The following MSH3 variants were observed in gnomAD, a reference collection of about 807,000 sequenced individuals.
The protein encoded by MSH3 is mutS homolog 3, also known as DNA mismatch repair protein Msh3.
MSH3 carries 106 observed loss-of-function variants against 123.3 expected under a neutral mutation model. The ratio of observed to expected loss-of-function variants is 0.86; its 90% CI spans 0.73 to 1.01. The LOEUF (loss-of-function observed/expected upper bound fraction) is 1.01, where lower values mean the gene tolerates loss of function less well. Among genes scored for constraint, MSH3 ranks in the 50% least tolerant of loss-of-function variants. MSH3 has a pLI of 0.00. For synonymous variants in MSH3, 515 were observed against 481.4 expected, an observed-to-expected ratio of 1.07 and a Z score of -0.91; for missense variants, 1,459 against 1,347.6, an observed-to-expected ratio of 1.08 and a Z score of -1.29.
At chr5:80,861,636 A>T (rs527926651) in intron 21 of MSH3, among the ~76,000 whole-genome samples, 1 of 152,198 alleles carries the variant, frequency 6.6e-6, no homozygotes, top group African/African-American at 2.4e-5. Context: ...ACCAAGTGGA[A>T]CTCCTGGGAG....
intron 19 of MSH3, among the ~76,000 whole-genome samples, chr5:80,793,965 C>A (rs1193109226): frequency 6.6e-6 from 1 of 151,996 alleles, no homozygotes; most frequent in African/African-American, 2.4e-5. Context: ...TTCATTTTGG[C>A]ATAGATGACT....
chr5:80,680,311 T>TTTC (rs1749947767), intron 8 of MSH3, among the ~76,000 whole-genome samples: 1 of 152,044 alleles, frequency 6.6e-6, no homozygotes, highest in Admixed American at 6.6e-5. Context: ...GTTCCATATG[T>TTTC]TTCTTTGTCC....
intron 3 of MSH3, among the ~76,000 whole-genome samples, chr5:80,668,474 C>T (rs1749621690): frequency 6.6e-6 from 1 of 152,162 alleles, no homozygotes. Flanking sequence ...CTCTCCTTGG[C>T]CTCCTTCCCA....
At chr5:80,681,308 A>G (rs2112820906) in intron 8 of MSH3, among the ~76,000 whole-genome samples, 1 of 152,270 alleles carries the variant, frequency 6.6e-6, no homozygotes, top group Admixed American at 6.5e-5. Flanking sequence ...AAAAATTTTT[A>G]AAGGTAGGCT....
chr5:80,751,243 A>G (rs1247490361), intron 12 of MSH3, among the ~76,000 whole-genome samples: 1 of 152,236 alleles, frequency 6.6e-6, no homozygotes, highest in African/African-American at 2.4e-5. Context: ...TCAGAACAAC[A>G]TGAATTCTGC....
chr5:80,761,839 A>G (rs1442580871), intron 13 of MSH3, among the ~76,000 whole-genome samples, 161 bp downstream of exon 13: 1 of 152,144 alleles, frequency 6.6e-6, no homozygotes, highest in Non-Finnish European at 1.5e-5. Flanking sequence ...TAATAGTACA[A>G]ATTAGAGTTA....
intron 10 of MSH3, among the ~76,000 whole-genome samples, chr5:80,741,139 G>A (rs969158282): frequency 6.6e-6 from 1 of 152,112 alleles, no homozygotes; most frequent in Non-Finnish European, 1.5e-5. Context: ...TGTGGCTACT[G>A]TGCTTGGCTA....
At chr5:80,764,323 T>C (rs1326676449) in intron 13 of MSH3, among the ~76,000 whole-genome samples, 3 of 152,182 alleles carry the variant, frequency 2.0e-5, no homozygotes, top group Non-Finnish European at 4.4e-5. Flanking sequence ...TTTATGGTGA[T>C]AATGATAGAG....
chr5:80,741,817 G>A (rs1561462510), intron 11 of MSH3, among the ~76,000 whole-genome samples: 1 of 151,850 alleles, frequency 6.6e-6, no homozygotes, highest in East Asian at 1.9e-4. Flanking sequence ...ATATCATGTA[G>A]TTTTTTGGAA....
At chr5:80,861,036 C>T (rs939652690) in intron 21 of MSH3, among the ~76,000 whole-genome samples, 10 of 152,158 alleles carry the variant, frequency 6.6e-5, no homozygotes, top group Admixed American at 6.5e-4. Context: ...ATATGCATCT[C>T]TGTGCTTACA....
intron 12 of MSH3, chr5:80,746,456 T>A: frequency 4.1e-6 from 2 of 491,502 alleles, no homozygotes; most frequent in Non-Finnish European, 8.2e-6. Context: ...TTGATTGTAT[T>A]GGCAACAGTC....
At chr5:80,735,229 C>T (rs1245077524) in intron 10 of MSH3, among the ~76,000 whole-genome samples, 1 of 151,738 alleles carries the variant, frequency 6.6e-6, no homozygotes, top group Admixed American at 6.6e-5. Context: ...ACTGAAAATA[C>T]AAAAATTAGC....
intron 8 of MSH3, among the ~76,000 whole-genome samples, chr5:80,683,444 T>A (rs1047377854): frequency 4.6e-5 from 7 of 152,214 alleles, no homozygotes; most frequent in African/African-American, 1.4e-4. Flanking sequence ...TTGATTTGGA[T>A]TTCTGTAATG....
chr5:80,826,994 G>A (rs1040818725), intron 20 of MSH3, among the ~76,000 whole-genome samples: 2 of 152,008 alleles, frequency 1.3e-5, no homozygotes, highest in East Asian at 3.9e-4. Context: ...TGTACTCATC[G>A]ATGAAATATT....
intron 19 of MSH3, among the ~76,000 whole-genome samples, chr5:80,809,867 G>A (rs1001256409): frequency 2.0e-5 from 3 of 152,080 alleles, no homozygotes; most frequent in Non-Finnish European, 2.9e-5. Context: ...TGAATTGTTT[G>A]TGATGGTGAT....
rs564060263 is a variant in MSH3 at position 80,769,091 on chromosome 5, T to G, written c.2253+88T>G. 1.5e-5 allele frequency: 18 copies of G among 1,204,542 alleles called. 1 individual carries two copies. The East Asian group carries it at 3.0e-4, about 20-fold the overall frequency. 74.6% of individuals were successfully genotyped at this position (1,204,542 alleles called of 1,614,324 possible). A position where few individuals can be genotyped will look rare whatever the true frequency, so the allele number is the denominator to read the frequency against. Reference sequence around the variant, plus strand: ...TGTAAATAGAAATCTGAGGATAGGATATGTATTATCTTTTCAAATTTTCTG... The same window carrying G: ...TGTAAATAGAAATCTGAGGATAGGAGATGTATTATCTTTTCAAATTTTCTG... On this transcript the variant is annotated intron_variant, in intron 15 of 23. Coordinates refer to ENST00000265081, the MANE Select transcript of MSH3 (RefSeq NM_002439.5).
At chr5:80,747,135 A>AT (rs1666791425) in intron 12 of MSH3, among the ~76,000 whole-genome samples, 1 of 152,202 alleles carries the variant, frequency 6.6e-6, no homozygotes, top group African/African-American at 2.4e-5. Flanking sequence ...AGTGTAAGGG[A>AT]TGCAGCATTG....
chr5:80,756,983 G>A lies in MSH3; in HGVS notation c.1764-4563G>A, dbSNP rs903719645. 2.6e-5 allele frequency among the ~76,000 whole-genome samples: 4 copies of A among 152,118 alleles called. No homozygotes were observed. The East Asian group carries it at 5.8e-4, about 22-fold the overall frequency. The stretch of plus-strand genomic sequence containing the variant: ...TCTGAATTTAATCTACTCGTTCTGT[G>A]CTGTCTTAAAAGTCAAACTTTTCAG... On this transcript the variant is annotated intron_variant, in intron 12 of 23. Coordinates refer to ENST00000265081, the MANE Select transcript of MSH3 (RefSeq NM_002439.5).
chr5:80,785,464 C>T (rs1744488939), intron 17 of MSH3, among the ~76,000 whole-genome samples: 1 of 152,040 alleles, frequency 6.6e-6, no homozygotes, highest in African/African-American at 2.4e-5. Flanking sequence ...ACAACAGGTG[C>T]TGGAGAGGAT....
Sources: gnomAD v4.1 joint callset for allele counts (sites outside exome capture counted in the v4.1 genomes callset) on GRCh38, gnomAD v4.1.1 for gene constraint, MANE v1.5 for transcripts, NCBI Gene and HGNC (gene_info 2026-07-23, HGNC 2026-07-21) for gene names.